Variants in PINX1 observed in about 807,000 individuals in gnomAD.
PINX1 encodes the protein PIN2/TERF1-interacting telomerase inhibitor 1.
In PINX1, 34 loss-of-function variants were observed where a neutral mutation model predicts 25.4. The observed-to-expected ratio is 1.34, with a 90% CI of 1.02 to 1.78. PINX1 has a LOEUF of 1.78. Among genes scored for constraint, PINX1 ranks in the 40% most tolerant of loss-of-function variants. The probability of loss-of-function intolerance (pLI) is 0.00; values close to 1 mark genes in which losing one functional copy is unlikely to be tolerated. For missense variants in PINX1, 592 were observed against 404.9 expected, an observed-to-expected ratio of 1.46 and a Z score of -3.97; for synonymous variants, 197 against 147.7, an observed-to-expected ratio of 1.33 and a Z score of -2.42.
Position 10,833,062 on chromosome 8 carries a change from A to G in PINX1, c.130-78T>C, listed in dbSNP as rs1353869629. The stretch of plus-strand genomic sequence containing the variant: ...AGCAGAGCACTGCTACAAAACTCAC[A>G]GATGCCTACGGCAGGTGTTCTGAGT... On this transcript the variant is annotated intron_variant, in intron 2 of 6. Coordinates refer to ENST00000314787, the MANE Select transcript of PINX1 (RefSeq NM_017884.6). 7.1e-6 allele frequency: 6 copies of G among 849,306 alleles called. No homozygotes were observed. In the East Asian group the frequency reaches 1.6e-4, roughly 23 times the overall value. 52.6% of individuals were successfully genotyped at this position (849,306 alleles called of 1,614,324 possible). A position where few individuals can be genotyped will look rare whatever the true frequency, so the allele number is the denominator to read the frequency against.
At chr8:10,788,680 A>G (rs372194757) in intron 6 of PINX1, among the ~76,000 whole-genome samples, 2 of 152,230 alleles carry the variant, frequency 1.3e-5, no homozygotes, top group African/African-American at 4.8e-5. Flanking sequence ...AAGTGGTCAC[A>G]GAAAGTGGCC....
intron 6 of PINX1, among the ~76,000 whole-genome samples, chr8:10,781,368 G>C (rs1801579819): frequency 6.6e-6 from 1 of 152,144 alleles, no homozygotes; most frequent in Non-Finnish European, 1.5e-5. Flanking sequence ...AAACTAAAAA[G>C]CTTCTGCACA....
At chr8:10,815,350 G>A (rs568201146) in intron 6 of PINX1, among the ~76,000 whole-genome samples, 21 of 152,232 alleles carry the variant, frequency 1.4e-4, no homozygotes, top group South Asian at 4.1e-4. Context: ...TTGTTGTTTC[G>A]CTTTGATATA....
chr8:10,815,153 G>A (rs1303310436), intron 6 of PINX1, among the ~76,000 whole-genome samples: 6 of 152,104 alleles, frequency 3.9e-5, no homozygotes, highest in African/African-American at 7.2e-5. Context: ...TGTTGCCCAG[G>A]CTGGTTTCAA....
intron 6 of PINX1, among the ~76,000 whole-genome samples, chr8:10,780,633 A>G (rs1007684887): frequency 3.9e-5 from 6 of 152,210 alleles, no homozygotes; most frequent in African/African-American, 1.4e-4. Flanking sequence ...AAAAAATCAA[A>G]ATACTTAGGG....
At chr8:10,830,132 T>A (rs1010688861) in intron 4 of PINX1, among the ~76,000 whole-genome samples, 2 of 152,226 alleles carry the variant, frequency 1.3e-5, no homozygotes, top group Non-Finnish European at 2.9e-5. Context: ...TCAGAAAACA[T>A]TTTCCTTATC....
intron 6 of PINX1, among the ~76,000 whole-genome samples, chr8:10,797,688 C>A (rs1355365434): frequency 6.6e-6 from 1 of 152,188 alleles, no homozygotes; most frequent in African/African-American, 2.4e-5. Flanking sequence ...ACTTCATCAT[C>A]ACAGCAAAAG....
At chr8:10,828,503 G>A (rs184433932) in intron 4 of PINX1, among the ~76,000 whole-genome samples, 139 of 152,218 alleles carry the variant, frequency 9.1e-4, no homozygotes, top group African/African-American at 3.2e-3. Flanking sequence ...AAGCCCCCGC[G>A]ATGGGACCGA....
chr8:10,788,685 G>C (rs965366289), intron 6 of PINX1, among the ~76,000 whole-genome samples: 6 of 152,222 alleles, frequency 3.9e-5, no homozygotes, highest in African/African-American at 1.4e-4. Flanking sequence ...GTCACAGAAA[G>C]TGGCCTACCT....
intron 6 of PINX1, among the ~76,000 whole-genome samples, chr8:10,814,077 G>A (rs1346570884): frequency 1.3e-5 from 2 of 152,172 alleles, no homozygotes; most frequent in African/African-American, 2.4e-5. Flanking sequence ...CAGGTCTCAA[G>A]GGGCCCTGGG....
intron 6 of PINX1, among the ~76,000 whole-genome samples, chr8:10,776,120 CT>C (rs944453983): frequency 6.6e-6 from 1 of 152,100 alleles, no homozygotes; most frequent in Admixed American, 6.6e-5. Flanking sequence ...AAGGCAAAAG[CT>C]TTCGAGAATA....
At chr8:10,825,368 G>C (rs369271830) in intron 5 of PINX1, 3 of 534,776 alleles carry the variant, frequency 5.6e-6, no homozygotes, top group East Asian at 5.4e-5. Flanking sequence ...ACAGAGACTA[G>C]ATATTACAGC....
chr8:10,804,658 G>C (rs1000307312), intron 6 of PINX1, among the ~76,000 whole-genome samples: 1 of 151,890 alleles, frequency 6.6e-6, no homozygotes, highest in South Asian at 2.1e-4. Flanking sequence ...GGGTCATAAT[G>C]ATTAGGAATG....
At chr8:10,822,542 T>G (rs1797910451) in intron 5 of PINX1, among the ~76,000 whole-genome samples, 1 of 152,148 alleles carries the variant, frequency 6.6e-6, no homozygotes, top group South Asian at 2.1e-4. Context: ...GGAAGAACAC[T>G]CTATTTAGGT....
intron 1 of PINX1, among the ~76,000 whole-genome samples, chr8:10,838,843 T>A (rs1429174121): frequency 6.6e-6 from 1 of 152,226 alleles, no homozygotes; most frequent in Non-Finnish European, 1.5e-5. Flanking sequence ...GAACGTCAAT[T>A]TCTGCCCCTG....
intron 6 of PINX1, among the ~76,000 whole-genome samples, chr8:10,767,025 G>A (rs890621542): frequency 2.6e-5 from 4 of 152,174 alleles, no homozygotes; most frequent in Non-Finnish European, 5.9e-5. Context: ...AAGTCATTAA[G>A]CAATCATGCT....
At chr8:10,827,851 C>A (rs1289948722) in intron 4 of PINX1, among the ~76,000 whole-genome samples, 10 of 144,062 alleles carry the variant, frequency 6.9e-5, no homozygotes, top group African/African-American at 2.3e-4. Flanking sequence ...GCAGAGCTTG[C>A]AGCGAGCCGA....
intron 4 of PINX1, among the ~76,000 whole-genome samples, chr8:10,829,249 G>A (rs1384053523): frequency 2.2e-5 from 3 of 136,120 alleles, no homozygotes; most frequent in African/African-American, 8.8e-5. Context: ...TTGTGCCACT[G>A]CACTCCAGCC....
chr8:10,817,567 A>C (rs1797737437), intron 6 of PINX1, among the ~76,000 whole-genome samples: 1 of 152,234 alleles, frequency 6.6e-6, no homozygotes, highest in Admixed American at 6.5e-5. Flanking sequence ...TGTTTGTCTT[A>C]AATGTGATTA....
Sources: gnomAD v4.1 joint callset for allele counts (sites outside exome capture counted in the v4.1 genomes callset) on GRCh38, gnomAD v4.1.1 for gene constraint, MANE v1.5 for transcripts, NCBI Gene and HGNC (gene_info 2026-07-23, HGNC 2026-07-21) for gene names.